PTPRG: variants seen among roughly 807,000 people sequenced by gnomAD.
PTPRG encodes receptor-type tyrosine-protein phosphatase gamma.
In PTPRG, 102 loss-of-function variants were observed where a neutral mutation model predicts 165.3. The observed-to-expected ratio is 0.62, with a 90% confidence interval of 0.53 to 0.73. The LOEUF is 0.73. Among genes scored for constraint, PTPRG ranks in the 30% least tolerant of loss-of-function variants. The pLI is 0.00. For missense variants in PTPRG, 1,866 were observed against 1,861.4 expected, an observed-to-expected ratio of 1.00 and a Z score of -0.05; for synonymous variants, 675 against 669.5, an observed-to-expected ratio of 1.01 and a Z score of -0.13.
chr3:61,878,748 ACCT>A (rs2037809936), intron 2 of PTPRG, among the ~76,000 whole-genome samples: 1 of 151,664 alleles, frequency 6.6e-6, no homozygotes. Flanking sequence ...AAGCCATCCT[ACCT>A]CCTCTGCCTC....
intron 2 of PTPRG, among the ~76,000 whole-genome samples, chr3:61,961,497 T>C (rs2040151263): frequency 6.6e-6 from 1 of 152,234 alleles, no homozygotes; most frequent in South Asian, 2.1e-4. Context: ...AGGGTAATTG[T>C]GGCTTGATGC....
intron 1 of PTPRG, among the ~76,000 whole-genome samples, chr3:61,668,923 C>T (rs1231947191): frequency 6.6e-6 from 1 of 152,182 alleles, no homozygotes; most frequent in African/African-American, 2.4e-5. Flanking sequence ...TTTGCTTATA[C>T]TAAATTCAGA....
At chr3:61,825,011 G>C (rs550809945) in intron 2 of PTPRG, among the ~76,000 whole-genome samples, 4 of 152,212 alleles carry the variant, frequency 2.6e-5, no homozygotes, top group Non-Finnish European at 2.9e-5. Flanking sequence ...GATGTGGGCA[G>C]TGCAGAATGG....
chr3:62,102,553 G>T (rs2106830701), intron 5 of PTPRG, among the ~76,000 whole-genome samples: 1 of 152,330 alleles, frequency 6.6e-6, no homozygotes, highest in Non-Finnish European at 1.5e-5. Flanking sequence ...TTACAGGCGT[G>T]AGCCACCACG....
intron 12 of PTPRG, 128 bp downstream of exon 12, chr3:62,204,078 C>G: frequency 7.1e-7 from 1 of 1,404,574 alleles, no homozygotes; most frequent in East Asian, 2.5e-5. Flanking sequence ...ATATGTCTGT[C>G]ATAGAAAAGG....
intron 2 of PTPRG, among the ~76,000 whole-genome samples, chr3:61,973,594 G>A (rs537297472): frequency 1.3e-5 from 2 of 152,176 alleles, no homozygotes; most frequent in South Asian, 2.1e-4. Context: ...CACTTTGGGC[G>A]GCTGAGGCAG....
chr3:62,080,645 C>A (rs1218617774), intron 5 of PTPRG, among the ~76,000 whole-genome samples: 2 of 152,086 alleles, frequency 1.3e-5, no homozygotes, highest in Admixed American at 6.5e-5. Context: ...TTAAAAAAAA[C>A]TTTTTAATGT....
chr3:61,685,938 G>A (rs990543342), intron 1 of PTPRG, among the ~76,000 whole-genome samples: 9 of 152,138 alleles, frequency 5.9e-5, no homozygotes, highest in African/African-American at 1.4e-4. Context: ...TCTTATTGCC[G>A]TGTTCTCTTT....
chr3:62,240,594 C>T lies in PTPRG; in HGVS notation c.2376-3213C>T, dbSNP rs1266672248. Among the ~76,000 whole-genome samples, 2 of 152,156 alleles carry T rather than the reference C, an allele frequency of 1.3e-5. No individual in the cohort carries two copies. The highest frequency in any genetic ancestry group is 1.9e-4 in the East Asian group (1 of 5,186). ...TAGACACCAGTGAAGGTTCTTTGGT[C>T]GCTAGATCCTGCATGATCTGGCTCT... is the stretch of plus-strand genomic sequence containing the variant. On this transcript the variant is annotated intron_variant, in intron 14 of 29. Transcript: ENST00000474889. This position sits in a 1 kb window ranked among gnomAD's most constrained non-coding sequence, Gnocchi z 5.1.
At chr3:62,040,016 AT>A (rs1371718374) in intron 4 of PTPRG, among the ~76,000 whole-genome samples, 1 of 152,162 alleles carries the variant, frequency 6.6e-6, no homozygotes, top group Non-Finnish European at 1.5e-5. Context: ...AGTGTTAAGT[AT>A]TTTTTATAGG....
chr3:62,215,943 C>T (rs968963374), intron 12 of PTPRG, among the ~76,000 whole-genome samples: 11 of 152,254 alleles, frequency 7.2e-5, no homozygotes, highest in South Asian at 4.1e-4. Context: ...ATATGCTGGG[C>T]GCGGTGGCTC....
chr3:61,764,359 C>A (rs1378770895), intron 2 of PTPRG, among the ~76,000 whole-genome samples: 1 of 152,138 alleles, frequency 6.6e-6, no homozygotes, highest in Non-Finnish European at 1.5e-5. Flanking sequence ...AAGTGTTTAT[C>A]AAGCACAAGC....
intron 4 of PTPRG, among the ~76,000 whole-genome samples, chr3:62,057,057 A>G (rs776835196): frequency 2.6e-5 from 4 of 152,250 alleles, no homozygotes; most frequent in African/African-American, 4.8e-5. Context: ...CTAAACAACA[A>G]GGATTATCCA....
chr3:62,121,110 A>ATT lies in PTPRG; in HGVS notation c.616-11477_616-11476dup, dbSNP rs67168345. ...CAGGCGCCCACCACTAGCCTGGCTA[A>ATT]TTTTTTTTTTTTTTTTGTATTTTTA... On this transcript the variant is annotated intron_variant, in intron 5 of 29. Transcript: ENST00000474889. Among the ~76,000 whole-genome samples, 364 of 141,562 alleles carry ATT rather than the reference A, an allele frequency of 2.6e-3. 1 individual carries two copies. The highest frequency in any genetic ancestry group is 6.4e-3 in the African/African-American group (243 of 38,178). 92.9% of individuals were successfully genotyped at this position (141,562 alleles called of 152,430 possible). A position where few individuals can be genotyped will look rare whatever the true frequency, so the allele number is the denominator to read the frequency against.
intron 1 of PTPRG, among the ~76,000 whole-genome samples, chr3:61,563,317 G>A (rs1475213090): frequency 6.6e-6 from 1 of 152,106 alleles, no homozygotes; most frequent in Non-Finnish European, 1.5e-5. Flanking sequence ...GAACAATACT[G>A]GCCGTTGATA....
rs61136954 is a variant in PTPRG at position 61,708,443 on chromosome 3, C to CTTT, written c.86-40409_86-40407dup. On this transcript the variant is annotated intron_variant, in intron 1 of 29. Coordinates refer to ENST00000474889, the MANE Select transcript of PTPRG (RefSeq NM_002841.4). ...CTAATGAACTGGGCTCTCTGCAAAT[C>CTTT]TTTTTTTTTTTTTTTTTTTTTTTTT... Among the ~76,000 whole-genome samples, 145 of 75,914 alleles carry CTTT rather than the reference C, an allele frequency of 1.9e-3. 8 individuals carry two copies. The highest frequency in any genetic ancestry group is 3.3e-3 in the African/African-American group (59 of 17,936). The allele number at this position is 75,914 out of a possible 152,430, so 49.8% of individuals were successfully genotyped here. A position where few individuals can be genotyped will look rare whatever the true frequency, so the allele number is the denominator to read the frequency against.
intron 5 of PTPRG, among the ~76,000 whole-genome samples, chr3:62,083,614 C>T (rs1023076445): frequency 6.6e-6 from 1 of 152,174 alleles, no homozygotes; most frequent in African/African-American, 2.4e-5. Context: ...ATTCACAGAA[C>T]AATTTCATTG....
intron 4 of PTPRG, among the ~76,000 whole-genome samples, chr3:62,040,195 A>G (rs1261640658): frequency 6.6e-6 from 1 of 152,194 alleles, no homozygotes; most frequent in Non-Finnish European, 1.5e-5. Flanking sequence ...TTTTCTAAGC[A>G]TATTTATATT....
intron 1 of PTPRG, among the ~76,000 whole-genome samples, chr3:61,664,762 C>T (rs977328076): frequency 2.0e-5 from 3 of 151,964 alleles, no homozygotes; most frequent in East Asian, 3.9e-4. Context: ...GCCTGGGAGG[C>T]GGAGGTTGCG....
Sources: gnomAD v4.1 joint callset for allele counts (sites outside exome capture counted in the v4.1 genomes callset) on GRCh38, gnomAD v4.1.1 for gene constraint, Gnocchi (gnomAD v3.1) non-coding constraint, MANE v1.5 for transcripts, NCBI Gene and HGNC (gene_info 2026-07-23, HGNC 2026-07-21) for gene names.